PPP1R42: variants seen among roughly 807,000 people sequenced by gnomAD.
PPP1R42 encodes the protein protein phosphatase 1 regulatory subunit 42.
PPP1R42 carries 34 observed loss-of-function variants against 31.0 expected under a neutral mutation model. The ratio of observed to expected loss-of-function variants is 1.10; its 90% CI spans 0.83 to 1.46. The LOEUF (loss-of-function observed/expected upper bound fraction) is 1.46. Among genes scored for constraint, PPP1R42 ranks in the 40% most tolerant of loss-of-function variants. The pLI is 0.00. For synonymous variants in PPP1R42, 103 were observed against 109.8 expected (o/e 0.94, Z 0.39); for missense variants, 268 against 303.0 (o/e 0.88, Z 0.86).
At chr8:66,982,232 A>G in intron 6 of PPP1R42, 52 bp from the exon 7 acceptor site, 1 of 887,784 alleles carries the variant, frequency 1.1e-6, no homozygotes, top group Non-Finnish European at 1.5e-6. Context: ...TATAAACATA[A>G]GTCAAAATAT....
intron 5 of PPP1R42, among the ~76,000 whole-genome samples, chr8:66,996,530 G>A (rs1815339721): frequency 6.6e-6 from 1 of 152,116 alleles, no homozygotes; most frequent in Admixed American, 6.5e-5. Context: ...CTAGCCTACC[G>A]TACAGCTGCT....
intron 7 of PPP1R42, among the ~76,000 whole-genome samples, chr8:66,974,884 T>C (rs1473493128): frequency 6.6e-6 from 1 of 152,222 alleles, no homozygotes; most frequent in Non-Finnish European, 1.5e-5. Flanking sequence ...TTTTGATTAC[T>C]GTATCTATGT....
intron 1 of PPP1R42, among the ~76,000 whole-genome samples, chr8:67,024,458 G>C (rs1585693310): frequency 2.0e-5 from 3 of 150,962 alleles, no homozygotes; most frequent in Non-Finnish European, 4.4e-5. Context: ...TGCCCTACAG[G>C]CTCATGCCAC....
At chr8:67,013,987 A>G (rs1012152898) in intron 3 of PPP1R42, among the ~76,000 whole-genome samples, 2 of 152,186 alleles carry the variant, frequency 1.3e-5, no homozygotes, top group African/African-American at 4.8e-5. Flanking sequence ...GTTTACATCA[A>G]TTGGATCAAT....
At chr8:66,985,669 A>T (rs1814986660) in intron 6 of PPP1R42, 1 of 1,332,728 alleles carries the variant, frequency 7.5e-7, no homozygotes, top group Admixed American at 1.7e-5. Context: ...GGAGGGCTGA[A>T]TAGTGTGGCC....
At chr8:67,002,611 G>A (rs1815528778) in intron 5 of PPP1R42, among the ~76,000 whole-genome samples, 1 of 151,792 alleles carries the variant, frequency 6.6e-6, no homozygotes, top group African/African-American at 2.4e-5. Context: ...ATAGATCAGG[G>A]ATTAAAATTT....
At chr8:67,024,973 T>C (rs1179400445) in intron 1 of PPP1R42, among the ~76,000 whole-genome samples, 4 of 150,420 alleles carry the variant, frequency 2.7e-5, no homozygotes, top group Admixed American at 2.7e-4. Flanking sequence ...AGGGGTTCAC[T>C]CTTGCCCAGG....
intron 7 of PPP1R42, among the ~76,000 whole-genome samples, chr8:66,969,899 A>G (rs1457735660): frequency 6.6e-6 from 1 of 152,226 alleles, no homozygotes; most frequent in Non-Finnish European, 1.5e-5. Flanking sequence ...TTATAAATGA[A>G]AAAATAAGTT....
At chr8:66,976,590 T>A (rs1476250375) in intron 7 of PPP1R42, among the ~76,000 whole-genome samples, 1 of 152,090 alleles carries the variant, frequency 6.6e-6, no homozygotes, top group African/African-American at 2.4e-5. Context: ...TACTTTTTAA[T>A]TCTATGAGAT....
chr8:66,979,753 T>A (rs1814775724), intron 7 of PPP1R42, among the ~76,000 whole-genome samples: 1 of 152,144 alleles, frequency 6.6e-6, no homozygotes, highest in Non-Finnish European at 1.5e-5. Flanking sequence ...GTGAAAAATG[T>A]CATTGGTATT....
chr8:66,998,856 C>T (rs1192980427), intron 5 of PPP1R42, among the ~76,000 whole-genome samples: 1 of 152,042 alleles, frequency 6.6e-6, no homozygotes, highest in East Asian at 1.9e-4. Context: ...TTTCTGAATG[C>T]CAAAACAATC....
chr8:67,014,568 GA>G lies in PPP1R42; in HGVS notation c.153del (p.Ser53ValfsTer16), dbSNP rs775675163. The G allele has an allele frequency of 6.5e-6, 10 of 1,530,308 alleles. No homozygotes were observed. The highest frequency in any genetic ancestry group is 1.7e-4 in the Middle Eastern group (1 of 5,756). 94.8% of individuals were successfully genotyped at this position (1,530,308 alleles called of 1,614,324 possible). Reference protein sequence around the residue: ...DAIEDLSLCKNLSVLYLYDNC... With the variant: ...DAIEDLSLCKXLSVLYLYDNC... ...TTATCATATAAATATAAAACACTAA[GA>G]TTTTTGCAAAGAGAGAGGTCTTCCT... is the stretch of plus-strand genomic sequence containing the variant. On this transcript the variant is annotated frameshift_variant, in exon 3 of 8. Transcript: ENST00000685739. LOFTEE classifies it high-confidence loss of function.
chr8:66,982,249 C>T (rs1417574406), intron 6 of PPP1R42, 69 bp from the exon 7 acceptor site: 4 of 754,898 alleles, frequency 5.3e-6, no homozygotes, highest in South Asian at 4.1e-5. Flanking sequence ...ATATGCACTT[C>T]TGGTTCAGAG....
At chr8:66,977,040 T>TC (rs1814697108) in intron 7 of PPP1R42, among the ~76,000 whole-genome samples, 1 of 150,550 alleles carries the variant, frequency 6.6e-6, no homozygotes, top group African/African-American at 2.4e-5. Flanking sequence ...TGTTTTGCTT[T>TC]TTTTTTTTTT....
intron 5 of PPP1R42, among the ~76,000 whole-genome samples, chr8:66,991,501 A>T (rs1334332235): frequency 6.6e-6 from 1 of 152,146 alleles, no homozygotes; most frequent in Non-Finnish European, 1.5e-5. Context: ...TTTGGCCTAA[A>T]ACCTCTCTTT....
intron 1 of PPP1R42, among the ~76,000 whole-genome samples, chr8:67,019,520 G>C (rs1421720630): frequency 6.6e-6 from 1 of 151,724 alleles, no homozygotes; most frequent in Non-Finnish European, 1.5e-5. Context: ...TTACAGGCGT[G>C]AGCCATCGCG....
chr8:66,983,001 T>G (rs934487169), intron 6 of PPP1R42, among the ~76,000 whole-genome samples: 1 of 152,108 alleles, frequency 6.6e-6, no homozygotes, highest in Admixed American at 6.6e-5. Context: ...CAGGCTGCTC[T>G]TGTATTCCTG....
chr8:66,997,603 G>A (rs866009566), intron 5 of PPP1R42, among the ~76,000 whole-genome samples: 1 of 147,744 alleles, frequency 6.8e-6, no homozygotes, highest in African/African-American at 2.5e-5. Flanking sequence ...CTGAAGTACA[G>A]TGGCACAATC....
chr8:67,012,502 G>C (rs1402113747), intron 4 of PPP1R42, among the ~76,000 whole-genome samples: 1 of 152,162 alleles, frequency 6.6e-6, no homozygotes, highest in African/African-American at 2.4e-5. Context: ...GCTGTATGTA[G>C]TGCAATCTAC....
Sources: allele counts gnomAD v4.1 joint callset (sites outside exome capture counted in the v4.1 genomes callset), GRCh38; gene constraint gnomAD v4.1.1; transcripts MANE v1.5; gene names NCBI Gene and HGNC (gene_info 2026-07-23, HGNC 2026-07-21).